The following SYTL2 variants were observed in gnomAD, a reference collection of about 807,000 sequenced individuals.
SYTL2 encodes the protein synaptotagmin-like protein 2.
A neutral mutation model predicts 198.7 loss-of-function variants in SYTL2; 165 were observed. That is an observed-to-expected ratio of 0.83 (90% CI 0.73 to 0.94). SYTL2 has a LOEUF of 0.94. SYTL2 is among the 40% of genes least tolerant of loss of function. The probability of loss-of-function intolerance (pLI) is 0.00; values close to 1 mark genes in which losing one functional copy is unlikely to be tolerated. For synonymous variants in SYTL2, 966 were observed against 917.7 expected (o/e 1.05, Z -0.95); for missense variants, 2,835 against 2,582.8 (o/e 1.10, Z -2.12).
At position 85,748,430 on chromosome 11, in the gene SYTL2, A is replaced by G. The variant is rs1303899540; in HGVS notation, c.102-7T>C. 1.2e-6 allele frequency: 2 copies of G among 1,613,472 alleles called. No homozygotes were observed. The highest frequency in any genetic ancestry group is 1.7e-6 in the Non-Finnish European group (2 of 1,179,744). ...AATTTTTTCAGGCAAATGTCTACAA[A>G]AGGAAAAGATCTTTAGTTTGCTGAG... On this transcript the variant is annotated splice_polypyrimidine_tract_variant and splice_region_variant and intron_variant, in intron 2 of 19. Coordinates refer to ENST00000359152, the MANE Select transcript of SYTL2 (RefSeq NM_206927.4).
intron 1 of SYTL2, among the ~76,000 whole-genome samples, chr11:85,810,298 A>G (rs1432803740): frequency 1.3e-5 from 2 of 152,108 alleles, no homozygotes; most frequent in Non-Finnish European, 2.9e-5. Context: ...ATTTATAAAG[A>G]GAGGAGGAAA....
chr11:85,818,937 T>G, the SYTL2 span, among the ~76,000 whole-genome samples: 1 of 152,222 alleles, frequency 6.6e-6, no homozygotes, highest in African/African-American at 2.4e-5. Flanking sequence ...CAACATACTG[T>G]GTGGCCTTGA....
chr11:85,709,355 T>C lies in SYTL2; in HGVS notation c.5891A>G (p.Asp1964Gly), dbSNP rs1429198700. Residue 1964 changes from aspartate (D) to glycine (G), a missense_variant, in exon 14 of 20, where the codon GAT becomes GGT. Physicochemically the swap from Asp to Gly is moderately conservative, Grantham distance 94 (BLOSUM62 -1). Transcript: ENST00000359152. Reference protein sequence around the residue: ...VAQCKDLAAADVKKQRSDPYV... With the variant: ...VAQCKDLAAAGVKKQRSDPYV... ...CGGGTCTGAACGCTGTTTTTTTACA[T>C]CCGCTGCTGCTAAGTCCTTACACTG... 5.0e-6 allele frequency: 8 copies of C among 1,614,174 alleles called. No homozygotes were observed. The highest frequency in any genetic ancestry group is 6.8e-6 in the Non-Finnish European group (8 of 1,180,040).
Position 85,727,628 on chromosome 11 carries a change from G to A in SYTL2, c.1730C>T (p.Ser577Leu). The stretch of plus-strand genomic sequence containing the variant: ...AGGCTTCAATTCAATTTTGCTGGGT[G>A]ATAGGGTCTTTGAGCCATTTTCTCT... ...TLRENGSKTL[S>L]PSKIELKPVR... Residue 577 changes from serine to leucine, a missense_variant, in exon 8 of 20, where the codon TCA (serine) becomes TTA (leucine). By Grantham distance (145) the Ser-to-Leu change is moderately radical. Coordinates refer to ENST00000359152, the MANE Select transcript of SYTL2 (RefSeq NM_206927.4). The A allele has an allele frequency of 2.0e-6, 3 of 1,536,156 alleles. No individual in the cohort carries two copies. The highest frequency in any genetic ancestry group is 1.7e-6 in the Non-Finnish European group (2 of 1,146,834).
intron 7 of SYTL2, among the ~76,000 whole-genome samples, chr11:85,728,195 C>T (rs115988447): frequency 1.5e-3 from 223 of 152,276 alleles, no homozygotes; most frequent in African/African-American, 5.1e-3. Context: ...CCTGGAAGTA[C>T]ATGGTATAGA....
At chr11:85,828,830 T>C in the SYTL2 span, among the ~76,000 whole-genome samples, 1 of 152,130 alleles carries the variant, frequency 6.6e-6, no homozygotes, top group Admixed American at 6.5e-5. Flanking sequence ...GAACCCAAGG[T>C]TTATGATCCC....
intron 18 of SYTL2, 152 bp from the exon 19 acceptor site, chr11:85,696,540 G>A (rs767413382): frequency 2.1e-5 from 14 of 670,454 alleles, no homozygotes; most frequent in Middle Eastern, 2.8e-4. Flanking sequence ...AGTGGGGTAG[G>A]GGGTAGGAAC....
chr11:85,710,058 C>T (rs1022124961), intron 13 of SYTL2, among the ~76,000 whole-genome samples: 1 of 152,174 alleles, frequency 6.6e-6, no homozygotes, highest in Non-Finnish European at 1.5e-5. Context: ...GATGCTGGCT[C>T]ATTTCAAAGC....
At chr11:85,713,428 G>A (rs1458781187) in intron 12 of SYTL2, among the ~76,000 whole-genome samples, 2 of 152,142 alleles carry the variant, frequency 1.3e-5, no homozygotes, top group Non-Finnish European at 2.9e-5. Context: ...CACGTGGTAG[G>A]TGCAAGGAAA....
intron 1 of SYTL2, among the ~76,000 whole-genome samples, chr11:85,759,536 T>G (rs1043975375): frequency 6.7e-6 from 1 of 149,158 alleles, no homozygotes; most frequent in Non-Finnish European, 1.5e-5. Context: ...GTACCAAAAA[T>G]AGCTACTAAA....
chr11:85,740,203 CCTTT>C (rs1455582831), intron 4 of SYTL2, among the ~76,000 whole-genome samples: 1 of 152,194 alleles, frequency 6.6e-6, no homozygotes, highest in African/African-American at 2.4e-5. Context: ...TCCCATTCTT[CCTTT>C]CTATTGACCT....
At chr11:85,822,798 G>A in the SYTL2 span, among the ~76,000 whole-genome samples, 2 of 152,344 alleles carry the variant, frequency 1.3e-5, no homozygotes, top group Non-Finnish European at 2.9e-5. Flanking sequence ...CAGAGAGGAC[G>A]GACAAGCTGA....
intron 1 of SYTL2, among the ~76,000 whole-genome samples, chr11:85,791,961 C>A (rs549968842): frequency 6.6e-6 from 1 of 152,190 alleles, no homozygotes; most frequent in East Asian, 1.9e-4. Context: ...GATTAATAAC[C>A]TTGATGAGCT....
At chr11:85,848,210 AGCCTGGT>A in the SYTL2 span, among the ~76,000 whole-genome samples, 1 of 152,022 alleles carries the variant, frequency 6.6e-6, no homozygotes, top group African/African-American at 2.4e-5. Flanking sequence ...GCTGCATTCC[AGCCTGGT>A]GACAGAGCAA....
At chr11:85,817,293 G>A in the SYTL2 span, among the ~76,000 whole-genome samples, 15 of 152,174 alleles carry the variant, frequency 9.9e-5, no homozygotes, top group African/African-American at 3.6e-4. Flanking sequence ...TGAGTTATAT[G>A]AGGGTAGTTA....
At chr11:85,833,991 G>A in the SYTL2 span, among the ~76,000 whole-genome samples, 2 of 151,808 alleles carry the variant, frequency 1.3e-5, no homozygotes, top group African/African-American at 2.4e-5. Context: ...CACCCATCTC[G>A]GCCTCCCAAA....
the SYTL2 span, among the ~76,000 whole-genome samples, chr11:85,821,573 A>G: frequency 1.3e-5 from 2 of 152,232 alleles, no homozygotes; most frequent in Admixed American, 6.5e-5. Context: ...AAAGGCCTGG[A>G]AAGTCCAGCA....
In SYTL2 at chr11:85,734,230, T is replaced by G; in HGVS notation, c.1099A>C (p.Asn367His). The change falls in exon 7 of 20, where the codon AAT (asparagine) becomes CAT (histidine). Residue 367 changes from asparagine to histidine, a missense_variant. Around this residue, in one of 3 missense-constraint regions of SYTL2, gnomAD observed 2,645 missense variants for 2,381.7 expected, o/e 1.11. Transcript: ENST00000359152. ...GTGTCCCCTGCATCTTCCATTCCAT[T>G]TTTCAATCTGTCAGATTCTAAAACA... ...FSVLESDRLK[N>H]GMEDAGDTEE... is the part of the protein sequence containing the mutation. The G allele has an allele frequency of 6.2e-7, 1 of 1,614,202 alleles. No individual in the cohort carries two copies. The highest frequency in any genetic ancestry group is 1.7e-5 in the Admixed American group (1 of 60,030).
intron 1 of SYTL2, among the ~76,000 whole-genome samples, chr11:85,791,809 C>T (rs1178759406): frequency 6.6e-6 from 1 of 152,040 alleles, no homozygotes; most frequent in Non-Finnish European, 1.5e-5. Context: ...AACTTGGAGC[C>T]ATAAGGAAGG....
Sources: allele counts gnomAD v4.1 joint callset (sites outside exome capture counted in the v4.1 genomes callset), GRCh38; gene constraint gnomAD v4.1.1; regional missense constraint gnomAD v4.1.1; transcripts MANE v1.5; gene names NCBI Gene and HGNC (gene_info 2026-07-23, HGNC 2026-07-21).